Variants in NINL observed in about 807,000 individuals in gnomAD.
NINL encodes ninein like, also known as ninein-like protein.
Under a neutral mutation model 160.3 loss-of-function variants are expected in NINL, and 153 were observed. That is an observed-to-expected ratio of 0.95 (90% CI 0.84 to 1.09). NINL has a LOEUF of 1.09. NINL is among the 50% of genes least tolerant of loss of function. The pLI, the probability that NINL is intolerant of heterozygous loss-of-function variation, is 0.00. For missense variants in NINL, 1,829 were observed against 1,764.0 expected (o/e 1.04, Z -0.66); for synonymous variants, 800 against 734.8 (o/e 1.09, Z -1.43).
chr20:25,575,033 G>T (rs1357716031), intron 1 of NINL, among the ~76,000 whole-genome samples: 1 of 152,078 alleles, frequency 6.6e-6, no homozygotes, highest in Non-Finnish European at 1.5e-5. Context: ...AAAAAAAAAG[G>T]TTTATCTTAG....
At chr20:25,499,020 T>A in intron 8 of NINL, 1 of 985,490 alleles carries the variant, frequency 1.0e-6, no homozygotes, top group Non-Finnish European at 1.2e-6. Context: ...TGGGTATTCC[T>A]GGCTCTGCTT....
At chr20:25,552,267 T>G (rs1379059088) in intron 1 of NINL, among the ~76,000 whole-genome samples, 1 of 151,944 alleles carries the variant, frequency 6.6e-6, no homozygotes, top group African/African-American at 2.4e-5. Flanking sequence ...GGCATGGTGG[T>G]GTGTGCCTGT....
chr20:25,506,167 C>A (rs2063958389), intron 5 of NINL, among the ~76,000 whole-genome samples: 1 of 152,142 alleles, frequency 6.6e-6, no homozygotes, highest in African/African-American at 2.4e-5. Flanking sequence ...GAGGCTGAGG[C>A]AGAGAACTGC....
At position 25,535,342 on chromosome 20, in the gene NINL, C is replaced by T. The variant is rs149539346; in HGVS notation, c.-11-8744G>A. Among the ~76,000 whole-genome samples the T allele has an allele frequency of 1.6e-3, 246 of 152,166 alleles. 3 individuals carry two copies. Among genetic ancestry groups the T allele is most frequent in the African/African-American group, 5.3e-3 (219 of 41,504 alleles). On this transcript the variant is annotated intron_variant, in intron 1 of 23. Transcript: ENST00000278886. ...TAAGTTCTGGCGATCTACTGTACAA[C>T]GTGGTGACTACAGTTAATAATAACA...
chr20:25,511,832 CTT>C (rs539379791), intron 4 of NINL, among the ~76,000 whole-genome samples: 271 of 152,364 alleles, frequency 1.8e-3, no homozygotes, highest in Admixed American at 4.8e-3. Context: ...TGTTTTCCCT[CTT>C]TGTCTCCACA....
chr20:25,578,355 G>A (rs923425962), intron 1 of NINL, among the ~76,000 whole-genome samples: 4 of 151,822 alleles, frequency 2.6e-5, no homozygotes, highest in Admixed American at 6.6e-5. Context: ...TGATCTGCCC[G>A]CCTCAATCTC....
chr20:25,534,075 TCCTGG>T (rs2064515019), intron 1 of NINL, among the ~76,000 whole-genome samples: 1 of 152,172 alleles, frequency 6.6e-6, no homozygotes, highest in Non-Finnish European at 1.5e-5. Flanking sequence ...CTGTCCTTCT[TCCTGG>T]CCCAGGATAC....
At chr20:25,518,075 A>C (rs1245868875) in intron 2 of NINL, among the ~76,000 whole-genome samples, 1 of 152,360 alleles carries the variant, frequency 6.6e-6, no homozygotes, top group East Asian at 1.9e-4. Flanking sequence ...CACTATCAAC[A>C]ATTTTGTAAA....
At chr20:25,553,995 A>G (rs77086545) in intron 1 of NINL, among the ~76,000 whole-genome samples, 105 of 152,396 alleles carry the variant, frequency 6.9e-4, no homozygotes, top group Non-Finnish European at 1.2e-3. Flanking sequence ...CCTTCCAGGC[A>G]GCTATGGCTG....
At chr20:25,552,475 T>C (rs2064816965) in intron 1 of NINL, among the ~76,000 whole-genome samples, 1 of 152,238 alleles carries the variant, frequency 6.6e-6, no homozygotes, top group Non-Finnish European at 1.5e-5. Flanking sequence ...AAAGGTAACA[T>C]AATCCTCTGG....
At position 25,496,690 on chromosome 20, in the gene NINL, A is replaced by G; in HGVS notation, c.1283T>C (p.Leu428Pro). The G allele has an allele frequency of 1.2e-6, 2 of 1,614,106 alleles. No homozygotes were observed. Among genetic ancestry groups the G allele is most frequent in the Non-Finnish European group, 1.7e-6 (2 of 1,180,014 alleles). The change falls in exon 10 of 24, where the codon CTG becomes CCG. Residue 428 changes from leucine to proline, a missense_variant. Transcript: ENST00000278886. ...VKEMDDCHSTLEQLTEKKIKH... is the reference protein window; with the variant it reads ...VKEMDDCHSTPEQLTEKKIKH... ...GATTTTCTTCTCCGTGAGCTGCTCC[A>G]GGGTGGAGTGGCAGTCGTCCATCTC... is the stretch of plus-strand genomic sequence containing the variant.
chr20:25,521,416 T>G (rs924179904), intron 2 of NINL, among the ~76,000 whole-genome samples: 2 of 152,272 alleles, frequency 1.3e-5, no homozygotes, highest in African/African-American at 4.8e-5. Context: ...TCTCACATAT[T>G]TGCGGGTGTG....
chr20:25,543,408 G>A (rs1156781732), intron 1 of NINL, among the ~76,000 whole-genome samples: 3 of 152,130 alleles, frequency 2.0e-5, no homozygotes, highest in South Asian at 2.1e-4. Context: ...AAACTTAGCC[G>A]GGCTTGGTGC....
At chr20:25,584,807 G>A (rs1219006910) in intron 1 of NINL, among the ~76,000 whole-genome samples, 1 of 152,206 alleles carries the variant, frequency 6.6e-6, no homozygotes, top group Non-Finnish European at 1.5e-5. Flanking sequence ...AGGCACGATC[G>A]ATGATTATGA....
intron 1 of NINL, among the ~76,000 whole-genome samples, chr20:25,568,990 A>C (rs747528859): frequency 6.6e-6 from 1 of 151,360 alleles, no homozygotes; most frequent in Non-Finnish European, 1.5e-5. Context: ...AGCACTTTGG[A>C]AGGCCCAGGT....
chr20:25,508,177 T>C (rs2063998472), intron 5 of NINL, among the ~76,000 whole-genome samples: 1 of 152,210 alleles, frequency 6.6e-6, no homozygotes, highest in Non-Finnish European at 1.5e-5. Flanking sequence ...TTCCCTGACA[T>C]TTACTGAGAC....
At chr20:25,498,900 G>C in intron 8 of NINL, 1 of 985,130 alleles carries the variant, frequency 1.0e-6, no homozygotes, top group East Asian at 1.1e-4. Flanking sequence ...TCAAAGCACA[G>C]AACAGCCGGC....
chr20:25,514,247 C>A (rs984341911), intron 3 of NINL, among the ~76,000 whole-genome samples: 2 of 152,194 alleles, frequency 1.3e-5, no homozygotes, highest in African/African-American at 4.8e-5. Flanking sequence ...TAGCAAAGAG[C>A]CTGGTGGCTT....
chr20:25,512,294 G>GT (rs1213016160), intron 4 of NINL, among the ~76,000 whole-genome samples: 16 of 152,294 alleles, frequency 1.1e-4, no homozygotes, highest in African/African-American at 3.8e-4. Flanking sequence ...CCTCGAGGCT[G>GT]TTTCAAAAAG....
Sources: gnomAD v4.1 joint callset for allele counts (sites outside exome capture counted in the v4.1 genomes callset) on GRCh38, gnomAD v4.1.1 for gene constraint, MANE v1.5 for transcripts, NCBI Gene and HGNC (gene_info 2026-07-23, HGNC 2026-07-21) for gene names.